Variants in GPC6 observed in about 807,000 individuals in gnomAD.
GPC6 encodes the protein glypican 6.
Under a neutral mutation model 55.2 loss-of-function variants are expected in GPC6, and 14 were observed. The ratio of observed to expected loss-of-function variants is 0.25; its 90% CI spans 0.17 to 0.40. The LOEUF is 0.40. Ranked by LOEUF, GPC6 falls within the 10% of genes least tolerant of loss-of-function variation. The pLI is 1.00. For missense variants in GPC6, 641 were observed against 708.5 expected, an observed-to-expected ratio of 0.90 and a Z score of 1.08; for synonymous variants, 278 against 259.6, an observed-to-expected ratio of 1.07 and a Z score of -0.68.
intron 1 of GPC6, among the ~76,000 whole-genome samples, chr13:93,319,810 C>T (rs1443201220): frequency 6.6e-6 from 1 of 151,832 alleles, no homozygotes; most frequent in Non-Finnish European, 1.5e-5. Context: ...TCACAGAGGC[C>T]TCTAGATGAG....
chr13:93,489,268 A>ATCAGATGGTTGTAGATGTG (rs1314593010), intron 1 of GPC6, among the ~76,000 whole-genome samples: 1 of 151,490 alleles, frequency 6.6e-6, no homozygotes, highest in Non-Finnish European at 1.5e-5. Flanking sequence ...TTTGTCAAAG[A>ATCAGATGGTTGTAGATGTG]TCAGATGGTT....
At chr13:93,461,105 GT>G (rs1040198580) in intron 1 of GPC6, among the ~76,000 whole-genome samples, 19 of 152,026 alleles carry the variant, frequency 1.2e-4, no homozygotes, top group Non-Finnish European at 1.8e-4. Context: ...TGTTTGATGG[GT>G]TTTTTGTTGT....
At chr13:93,557,407 A>C (rs1875536797) in intron 2 of GPC6, among the ~76,000 whole-genome samples, 1 of 152,198 alleles carries the variant, frequency 6.6e-6, no homozygotes, top group South Asian at 2.1e-4. Context: ...GTTAAAAAAA[A>C]TAGGTTAAGG....
intron 4 of GPC6, among the ~76,000 whole-genome samples, chr13:94,093,883 A>G (rs2138815733): frequency 6.6e-6 from 1 of 152,196 alleles, no homozygotes; most frequent in East Asian, 1.9e-4. Context: ...GTGTACATGC[A>G]GAGTTCCTAC....
At chr13:94,117,377 A>G in intron 4 of GPC6, among the ~76,000 whole-genome samples, 1 of 152,144 alleles carries the variant, frequency 6.6e-6, no homozygotes, top group East Asian at 1.9e-4. Flanking sequence ...TAGGTGAATA[A>G]CATCAAGGGT....
chr13:94,318,310 A>G (rs1336562499), intron 6 of GPC6, among the ~76,000 whole-genome samples: 1 of 152,162 alleles, frequency 6.6e-6, no homozygotes. Flanking sequence ...CTATGTTCCA[A>G]GACCCCCAGT....
intron 4 of GPC6, among the ~76,000 whole-genome samples, chr13:94,267,857 C>G (rs925269721): frequency 6.6e-5 from 10 of 152,162 alleles, no homozygotes; most frequent in Non-Finnish European, 1.5e-4. Flanking sequence ...GTGGCATTTT[C>G]AAAATGAAGA....
rs763624026 is a variant in GPC6, at chr13:94,403,062, G to C, written c.1513G>C (p.Val505Leu). 1 of 1,613,792 alleles carries C rather than the reference G, an allele frequency of 6.2e-7. No homozygotes were observed. Among genetic ancestry groups the C allele is most frequent in the South Asian group, 1.1e-5 (1 of 91,076 alleles). Residue 505 changes from valine to leucine, a missense_variant, in exon 9 of 9, where the codon GTG becomes CTG. Physicochemically the swap from Val to Leu is conservative, Grantham distance 32 (BLOSUM62 1). Transcript: ENST00000377047. ...SGSGSGCMDDVCPTEFEFVTT... is the reference protein window; with the variant it reads ...SGSGSGCMDDLCPTEFEFVTT... ...GAGTGGCAGTGGGTGCATGGATGACGTGTGTCCCACGGAGTTTGAGTTTGT... is the reference window on the plus strand; with the variant it reads ...GAGTGGCAGTGGGTGCATGGATGACCTGTGTCCCACGGAGTTTGAGTTTGT...
At chr13:93,535,912 G>A (rs1352422248) in intron 1 of GPC6, among the ~76,000 whole-genome samples, 11 of 152,090 alleles carry the variant, frequency 7.2e-5, no homozygotes, top group Admixed American at 5.3e-4. Context: ...CTGGCTAGTA[G>A]ACCTCAGTGA....
intron 6 of GPC6, among the ~76,000 whole-genome samples, chr13:94,342,036 A>C (rs1469268436): frequency 1.3e-5 from 2 of 152,240 alleles, no homozygotes; most frequent in East Asian, 3.8e-4. Flanking sequence ...AATCACTCAA[A>C]TACTGTAAAA....
At chr13:94,070,898 C>T (rs1884707440) in intron 4 of GPC6, among the ~76,000 whole-genome samples, 1 of 151,952 alleles carries the variant, frequency 6.6e-6, no homozygotes, top group South Asian at 2.1e-4. Flanking sequence ...GCAATTATAC[C>T]AACAAGAATA....
At chr13:93,439,640 C>A (rs75204068) in intron 1 of GPC6, among the ~76,000 whole-genome samples, 4 of 147,334 alleles carry the variant, frequency 2.7e-5, no homozygotes, top group Non-Finnish European at 4.5e-5. Context: ...CTAGCCTGGG[C>A]GACAAAAGTG....
At chr13:94,178,698 AT>A (rs1888875492) in intron 4 of GPC6, among the ~76,000 whole-genome samples, 3 of 152,232 alleles carry the variant, frequency 2.0e-5, no homozygotes, top group Admixed American at 6.5e-5. Flanking sequence ...CTCTTTTAAG[AT>A]TTTTTTTAAG....
intron 1 of GPC6, among the ~76,000 whole-genome samples, chr13:93,337,166 CTA>C (rs750116580): frequency 2.0e-5 from 3 of 152,122 alleles, no homozygotes; most frequent in Non-Finnish European, 2.9e-5. Context: ...ACCATTCACT[CTA>C]TCCCAGAAGT....
intron 4 of GPC6, among the ~76,000 whole-genome samples, chr13:94,198,798 A>G (rs1042673374): frequency 3.3e-5 from 5 of 152,200 alleles, no homozygotes; most frequent in Admixed American, 1.3e-4. Flanking sequence ...CTAAGTGAAA[A>G]ACCACAGTGA....
chr13:93,813,083 C>G (rs1886744956), intron 2 of GPC6, among the ~76,000 whole-genome samples: 1 of 152,100 alleles, frequency 6.6e-6, no homozygotes, highest in African/African-American at 2.4e-5. Flanking sequence ...CTGACATTTC[C>G]CCTGCACAGG....
chr13:94,072,497 G>T (rs1884771198), intron 4 of GPC6, among the ~76,000 whole-genome samples: 1 of 152,096 alleles, frequency 6.6e-6, no homozygotes, highest in Non-Finnish European at 1.5e-5. Flanking sequence ...GGGACTACAG[G>T]CACGTGCTGC....
chr13:94,019,804 G>A lies in GPC6; in HGVS notation c.712-7925G>A, dbSNP rs528335497. On this transcript the variant is annotated intron_variant, in intron 3 of 8. Transcript: ENST00000377047. ...AGGATTCTATTTAATCCACCACAGC[G>A]TACAACTGTTCATAGCATTTTTATA... is the stretch of plus-strand genomic sequence containing the variant. 2.3e-4 allele frequency among the ~76,000 whole-genome samples: 35 copies of A among 152,262 alleles called. No individual in the cohort carries two copies. In the South Asian group the frequency reaches 6.4e-3, roughly 28 times the overall value.
chr13:93,369,027 G>T (rs986976717), intron 1 of GPC6, among the ~76,000 whole-genome samples: 24 of 152,138 alleles, frequency 1.6e-4, no homozygotes, highest in African/African-American at 5.3e-4. Context: ...CCCTGTAACT[G>T]CTGAGTGGTG....
Sources: allele counts gnomAD v4.1 joint callset (sites outside exome capture counted in the v4.1 genomes callset), GRCh38; gene constraint gnomAD v4.1.1; transcripts MANE v1.5; gene names NCBI Gene and HGNC (gene_info 2026-07-23, HGNC 2026-07-21).